MAGI2: variants seen among roughly 807,000 people sequenced by gnomAD.
MAGI2 encodes the protein membrane-associated guanylate kinase, WW and PDZ domain-containing protein 2.
A neutral mutation model predicts 133.3 loss-of-function variants in MAGI2; 35 were observed. The ratio of observed to expected loss-of-function variants is 0.26; its 90% CI spans 0.20 to 0.35. The LOEUF (loss-of-function observed/expected upper bound fraction) is 0.35, where lower values mean the gene tolerates loss of function less well. MAGI2 is among the 10% of genes least tolerant of loss of function. The pLI, the probability that MAGI2 is intolerant of heterozygous loss-of-function variation, is 1.00. For missense variants in MAGI2, 1,636 were observed against 1,863.4 expected (o/e 0.88, Z 2.25); for synonymous variants, 729 against 710.6 (o/e 1.03, Z -0.41).
intron 9 of MAGI2, among the ~76,000 whole-genome samples, chr7:78,279,395 T>A (rs1250648380): frequency 6.6e-6 from 1 of 152,054 alleles, no homozygotes; most frequent in Non-Finnish European, 1.5e-5. Flanking sequence ...CCATATTGTA[T>A]GCTGTGTGTG....
At chr7:79,415,489 C>T (rs749876503) in intron 1 of MAGI2, 3 of 152,072 alleles carry the variant, frequency 2.0e-5, no homozygotes, top group Non-Finnish European at 4.4e-5. Flanking sequence ...CAAAGGCACT[C>T]CTTCCCAGAT....
chr7:79,038,979 G>C (rs547291658), intron 1 of MAGI2, among the ~76,000 whole-genome samples: 5 of 152,276 alleles, frequency 3.3e-5, no homozygotes, highest in African/African-American at 1.2e-4. Context: ...GATAGTTTTT[G>C]CAATTACATA....
intron 6 of MAGI2, among the ~76,000 whole-genome samples, chr7:78,450,912 T>C (rs143631749): frequency 3.3e-5 from 5 of 152,236 alleles, no homozygotes; most frequent in African/African-American, 7.2e-5. Flanking sequence ...TCGAGCTTCA[T>C]GCTCTAATTG....
At chr7:78,957,776 A>G (rs1248491666) in intron 2 of MAGI2, among the ~76,000 whole-genome samples, 1 of 152,150 alleles carries the variant, frequency 6.6e-6, no homozygotes, top group Non-Finnish European at 1.5e-5. Context: ...GCCTGGCTCC[A>G]GAGTTGGCAT....
In MAGI2 at chr7:79,115,870, T is replaced by A. The variant is rs1021800753; in HGVS notation, c.302-108664A>T. 1.4e-3 allele frequency among the ~76,000 whole-genome samples: 212 copies of A among 149,662 alleles called. 1 individual carries two copies. Among genetic ancestry groups the A allele is most frequent in the African/African-American group, 4.7e-3 (192 of 40,792 alleles). ...TGTTTTAAAGTTTTTTTTTTTTTTT[T>A]TTTTTTTTTTTTAAAGAAACAACAT... is the stretch of plus-strand genomic sequence containing the variant. On this transcript the variant is annotated intron_variant, in intron 1 of 21. Coordinates refer to ENST00000354212, the MANE Select transcript of MAGI2 (RefSeq NM_012301.4).
intron 3 of MAGI2, chr7:78,615,176 A>G (rs1185351120): frequency 1.3e-5 from 2 of 152,112 alleles, no homozygotes; most frequent in Non-Finnish European, 2.9e-5. Context: ...TTTTCTTTTA[A>G]TGGTTTGCTG....
chr7:78,537,601 T>C (rs1382989252), intron 3 of MAGI2, among the ~76,000 whole-genome samples: 1 of 152,200 alleles, frequency 6.6e-6, no homozygotes, highest in Non-Finnish European at 1.5e-5. Flanking sequence ...TAATTAGTGA[T>C]GTTGAGGATT....
At chr7:78,079,696 C>G (rs1329632894) in intron 20 of MAGI2, among the ~76,000 whole-genome samples, 2 of 152,342 alleles carry the variant, frequency 1.3e-5, no homozygotes, top group Middle Eastern at 3.4e-3. Context: ...TCTCCATTCT[C>G]TCCACATGAC....
intron 6 of MAGI2, among the ~76,000 whole-genome samples, chr7:78,488,753 T>A (rs1006087734): frequency 4.6e-5 from 7 of 152,056 alleles, no homozygotes; most frequent in Non-Finnish European, 7.4e-5. Context: ...AATTTTTAAT[T>A]TAACTCAGTC....
intron 2 of MAGI2, among the ~76,000 whole-genome samples, chr7:78,628,487 T>C (rs1053512051): frequency 3.9e-5 from 6 of 152,114 alleles, no homozygotes; most frequent in African/African-American, 1.4e-4. Flanking sequence ...GAATAAAATC[T>C]GGACTGCAAC....
intron 6 of MAGI2, among the ~76,000 whole-genome samples, chr7:78,420,117 T>C (rs971184214): frequency 2.0e-5 from 3 of 152,150 alleles, no homozygotes; most frequent in Non-Finnish European, 4.4e-5. Flanking sequence ...CAGGGTAGCA[T>C]TGGCACCAAT....
At chr7:78,648,483 C>T (rs760360879) in intron 2 of MAGI2, among the ~76,000 whole-genome samples, 1 of 152,196 alleles carries the variant, frequency 6.6e-6, no homozygotes, top group Non-Finnish European at 1.5e-5. Context: ...TTTTCTTTCA[C>T]CATCTTATCC....
chr7:79,099,626 T>C (rs1158713984), intron 1 of MAGI2, among the ~76,000 whole-genome samples: 2 of 152,100 alleles, frequency 1.3e-5, no homozygotes, highest in Non-Finnish European at 2.9e-5. Context: ...CACCCTCCTC[T>C]CTCCCTTCAC....
Position 78,176,908 on chromosome 7 carries a change from G to GACTCACAC in MAGI2, c.2403+1102_2403+1103insGTGTGAGT, listed in dbSNP as rs781171770. On this transcript the variant is annotated intron_variant, in intron 14 of 21. Transcript: ENST00000354212. Reference sequence around the variant, plus strand: ...ATAGTATATTTAAAAACCATATATAGACACACACACACACACACACACACA... The same window carrying GACTCACAC: ...ATAGTATATTTAAAAACCATATATAGACTCACACACACACACACACACACACACACACA... Among the ~76,000 whole-genome samples, 933 of 130,480 alleles carry GACTCACAC rather than the reference G, an allele frequency of 7.2e-3. 5 individuals are homozygous for GACTCACAC. The highest frequency in any genetic ancestry group is 0.012 in the Admixed American group (156 of 12,540). The allele number at this position is 130,480 out of a possible 152,430, so 85.6% of individuals were successfully genotyped here.
intron 2 of MAGI2, among the ~76,000 whole-genome samples, chr7:78,835,154 A>G (rs529742484): frequency 6.6e-6 from 1 of 152,330 alleles, no homozygotes; most frequent in Admixed American, 6.5e-5. Flanking sequence ...AAGGACTGCC[A>G]GATTGTTTTC....
At chr7:78,427,239 C>T (rs985658425) in intron 6 of MAGI2, among the ~76,000 whole-genome samples, 4 of 151,834 alleles carry the variant, frequency 2.6e-5, no homozygotes, top group African/African-American at 9.7e-5. Context: ...TAATTCCAAC[C>T]ACATCAGTAA....
chr7:78,175,853 A>G (rs1438203991), intron 14 of MAGI2, among the ~76,000 whole-genome samples: 1 of 152,194 alleles, frequency 6.6e-6, no homozygotes, highest in African/African-American at 2.4e-5. Context: ...CTTAGGAGAA[A>G]TTTAAAATCC....
At chr7:78,294,635 T>A (rs529401410) in intron 9 of MAGI2, among the ~76,000 whole-genome samples, 25 of 152,036 alleles carry the variant, frequency 1.6e-4, no homozygotes, top group Admixed American at 9.2e-4. Context: ...AACTTACTAG[T>A]AGTGCACTAT....
chr7:78,870,440 C>T (rs895226124), intron 2 of MAGI2, among the ~76,000 whole-genome samples: 13 of 150,680 alleles, frequency 8.6e-5, no homozygotes, highest in East Asian at 3.9e-4. Flanking sequence ...AAAAAATATA[C>T]AAAAAAATGC....
Sources: gnomAD v4.1 joint callset for allele counts (sites outside exome capture counted in the v4.1 genomes callset) on GRCh38, gnomAD v4.1.1 for gene constraint, MANE v1.5 for transcripts, NCBI Gene and HGNC (gene_info 2026-07-23, HGNC 2026-07-21) for gene names.